ARB2A: variants seen among roughly 807,000 people sequenced by gnomAD.
ARB2A encodes the protein cotranscriptional regulator ARB2A.
the ARB2A span, among the ~76,000 whole-genome samples, chr5:93,707,337 G>C: frequency 1.3e-5 from 2 of 152,146 alleles, no homozygotes; most frequent in African/African-American, 2.4e-5. Flanking sequence ...TACTTGGTAA[G>C]ATTGGGGAAG....
the ARB2A span, among the ~76,000 whole-genome samples, chr5:93,723,941 G>A: frequency 6.6e-6 from 1 of 152,128 alleles, no homozygotes; most frequent in East Asian, 1.9e-4. Context: ...CTAAATCAGA[G>A]TAGAAACATA....
At chr5:93,860,649 C>CTTTCTT in the ARB2A span, 3 of 136,436 alleles carry the variant, frequency 2.2e-5, no homozygotes, top group South Asian at 2.3e-4. Flanking sequence ...TTGTTTCTTT[C>CTTTCTT]TTTTTTTTTT....
At chr5:93,696,933 G>A in the ARB2A span, among the ~76,000 whole-genome samples, 3 of 151,716 alleles carry the variant, frequency 2.0e-5, no homozygotes, top group East Asian at 1.9e-4. Flanking sequence ...ATGATGGTGG[G>A]TGCCTGTGAT....
the ARB2A span, among the ~76,000 whole-genome samples, chr5:93,946,451 A>G: frequency 6.6e-6 from 1 of 152,152 alleles, no homozygotes; most frequent in Non-Finnish European, 1.5e-5. Context: ...AAACTAGAAA[A>G]TTATTAATTC....
the ARB2A span, among the ~76,000 whole-genome samples, chr5:94,001,747 A>G: frequency 5.9e-5 from 9 of 152,194 alleles, no homozygotes; most frequent in African/African-American, 2.2e-4. Context: ...CCCACAACAT[A>G]TTAATCATGG....
At chr5:93,839,078 T>G in the ARB2A span, among the ~76,000 whole-genome samples, 17 of 152,152 alleles carry the variant, frequency 1.1e-4, no homozygotes, top group African/African-American at 3.6e-4. Flanking sequence ...AATACTATGT[T>G]GAATAGGAGT....
At chr5:94,000,713 A>T in the ARB2A span, among the ~76,000 whole-genome samples, 27 of 152,056 alleles carry the variant, frequency 1.8e-4, no homozygotes, top group African/African-American at 6.3e-4. Context: ...GTTGCATCTA[A>T]AAAGTCATTA....
the ARB2A span, among the ~76,000 whole-genome samples, chr5:94,065,655 G>C: frequency 1.1e-4 from 16 of 152,208 alleles, no homozygotes; most frequent in African/African-American, 3.1e-4. Flanking sequence ...AATGATAAAG[G>C]AATCAATTCA....
At chr5:94,095,283 G>A in the ARB2A span, among the ~76,000 whole-genome samples, 12 of 152,248 alleles carry the variant, frequency 7.9e-5, no homozygotes. Context: ...GTGGCCCAAG[G>A]CATTATCATC....
chr5:93,715,513 T>C, the ARB2A span, among the ~76,000 whole-genome samples: 1 of 152,210 alleles, frequency 6.6e-6, no homozygotes, highest in Non-Finnish European at 1.5e-5. Context: ...GTTAAGAAGC[T>C]GATTATAGCT....
chr5:93,901,589 A>C, the ARB2A span, among the ~76,000 whole-genome samples: 142 of 152,274 alleles, frequency 9.3e-4, no homozygotes, highest in African/African-American at 3.3e-3. Context: ...ATGTTTATAA[A>C]GTTTTCAATT....
chr5:93,891,426 A>G, the ARB2A span, among the ~76,000 whole-genome samples: 1 of 152,104 alleles, frequency 6.6e-6, no homozygotes, highest in African/African-American at 2.4e-5. Flanking sequence ...TTTCATTCAC[A>G]TAATCATAAA....
chr5:93,643,664 T>C, the ARB2A span, among the ~76,000 whole-genome samples: 2 of 152,004 alleles, frequency 1.3e-5, no homozygotes, highest in East Asian at 1.9e-4. Flanking sequence ...CTGGCTAATT[T>C]TGTATTTTTA....
At chr5:93,761,237 G>A in the ARB2A span, among the ~76,000 whole-genome samples, 217 of 152,254 alleles carry the variant, frequency 1.4e-3, 1 homozygote, top group South Asian at 0.012. Context: ...CACACCGAGC[G>A]TGAGCCAAAG....
At chr5:94,061,206 C>T in the ARB2A span, among the ~76,000 whole-genome samples, 1 of 152,000 alleles carries the variant, frequency 6.6e-6, no homozygotes, top group Non-Finnish European at 1.5e-5. Context: ...CCACTGCACT[C>T]CAGCCTGGGC....
At chr5:93,737,096 C>T in the ARB2A span, 11 of 152,214 alleles carry the variant, frequency 7.2e-5, no homozygotes, top group East Asian at 7.7e-4. Context: ...CTGCATAAGT[C>T]GCAGGATACA....
chr5:94,108,580 A>C, the ARB2A span, among the ~76,000 whole-genome samples: 4 of 152,218 alleles, frequency 2.6e-5, no homozygotes, highest in African/African-American at 4.8e-5. Context: ...TAGAACTCCA[A>C]AAATATATAC....
chr5:93,716,964 C>A, the ARB2A span, among the ~76,000 whole-genome samples: 1 of 152,000 alleles, frequency 6.6e-6, no homozygotes, highest in Non-Finnish European at 1.5e-5. Flanking sequence ...GTATAATCAG[C>A]CATTCAGAGG....
At chr5:93,637,210 G>A in the ARB2A span, among the ~76,000 whole-genome samples, 1 of 152,018 alleles carries the variant, frequency 6.6e-6, no homozygotes, top group Non-Finnish European at 1.5e-5. Context: ...TTTTCATTCA[G>A]CTTAATTCTC....
Sources: gnomAD v4.1 joint callset for allele counts (sites outside exome capture counted in the v4.1 genomes callset) on GRCh38, gnomAD v4.1.1 for gene constraint, MANE v1.5 for transcripts, NCBI Gene and HGNC (gene_info 2026-07-23, HGNC 2026-07-21) for gene names.